NHS: variants seen among roughly 807,000 people sequenced by gnomAD.
NHS encodes NHS actin remodeling regulator.
NHS carries 5 observed loss-of-function variants against 72.5 expected under a neutral mutation model. The ratio of observed to expected loss-of-function variants is 0.07; its 90% confidence interval spans 0.04 to 0.14. The LOEUF (loss-of-function observed/expected upper bound fraction) is 0.14, where lower values mean the gene tolerates loss of function less well. NHS is among the 10% of genes least tolerant of loss of function. The pLI, the probability that NHS is intolerant of heterozygous loss-of-function variation, is 1.00. For synonymous variants in NHS, 464 were observed against 547.7 expected, an observed-to-expected ratio of 0.85 and a Z score of 2.13; for missense variants, 1,072 against 1,355.7, an observed-to-expected ratio of 0.79 and a Z score of 3.29.
intron 1 of NHS, among the ~76,000 whole-genome samples, chrX:17,382,646 G>A (rs1249057461): frequency 8.9e-6 from 1 of 112,292 alleles, no homozygotes; most frequent in Non-Finnish European, 1.9e-5. Context: ...TTGGCCTACT[G>A]CCACTTATTG....
chrX:17,530,787 C>CT (rs945602689), intron 1 of NHS, among the ~76,000 whole-genome samples: 13 of 109,971 alleles, frequency 1.2e-4, no homozygotes, highest in African/African-American at 3.3e-4. Flanking sequence ...ATCCTTTTTT[C>CT]TTTTTTTTTC....
chrX:17,516,773 GCACA>G, intron 1 of NHS, among the ~76,000 whole-genome samples: 3 of 100,568 alleles, frequency 3.0e-5, no homozygotes. Flanking sequence ...AATTCAAATG[GCACA>G]CACACACACA....
chrX:17,424,595 T>G (rs953292443), intron 1 of NHS, among the ~76,000 whole-genome samples: 3 of 112,311 alleles, frequency 2.7e-5, no homozygotes, highest in Non-Finnish European at 5.6e-5. Flanking sequence ...TTTCTAGGTA[T>G]GTTATTGTTT....
chrX:17,464,853 C>T (rs2064864097), intron 1 of NHS, among the ~76,000 whole-genome samples: 1 of 112,029 alleles, frequency 8.9e-6, no homozygotes, highest in African/African-American at 3.2e-5. Context: ...GCCTTTGGTC[C>T]ACCAGCAGCC....
At chrX:17,704,060 G>A (rs111267616) in intron 3 of NHS, among the ~76,000 whole-genome samples, 193 of 111,223 alleles carry the variant, frequency 1.7e-3, no homozygotes, top group African/African-American at 6.2e-3. Context: ...AGGCCAGAGA[G>A]AGAGAATGAC....
intron 1 of NHS, among the ~76,000 whole-genome samples, chrX:17,658,330 C>G (rs1445705581): frequency 8.9e-6 from 1 of 111,868 alleles, no homozygotes; most frequent in Non-Finnish European, 1.9e-5. Context: ...AATGTAAATG[C>G]CTATTTTTTT....
At chrX:17,506,172 T>C (rs1198396851) in intron 1 of NHS, among the ~76,000 whole-genome samples, 1 of 111,238 alleles carries the variant, frequency 9.0e-6, no homozygotes, top group East Asian at 2.8e-4. Flanking sequence ...AAGCACTCAG[T>C]CCTAGAATCG....
intron 1 of NHS, among the ~76,000 whole-genome samples, chrX:17,491,835 C>T (rs567530351): frequency 2.1e-5 from 2 of 95,303 alleles, no homozygotes; most frequent in Middle Eastern, 6.6e-3. Context: ...TTCAGGGATT[C>T]GACTTCTTCC....
At chrX:17,558,042 G>C (rs1224049767) in intron 1 of NHS, among the ~76,000 whole-genome samples, 1 of 112,130 alleles carries the variant, frequency 8.9e-6, no homozygotes, top group Non-Finnish European at 1.9e-5. Context: ...TCAGTCACTA[G>C]GTACAGCCGA....
intron 1 of NHS, among the ~76,000 whole-genome samples, chrX:17,462,959 G>A (rs2064854468): frequency 9.0e-6 from 1 of 111,636 alleles, no homozygotes; most frequent in Non-Finnish European, 1.9e-5. Flanking sequence ...AAGTTTTTTG[G>A]TTGATATTGA....
At chrX:17,442,839 C>T (rs757889573) in intron 1 of NHS, among the ~76,000 whole-genome samples, 10 of 112,355 alleles carry the variant, frequency 8.9e-5, no homozygotes, top group Admixed American at 4.7e-4. Flanking sequence ...TAGTTATTCC[C>T]GTGTTTTCTG....
chrX:17,541,895 C>CTA (rs2065265882), intron 1 of NHS, among the ~76,000 whole-genome samples: 1 of 110,662 alleles, frequency 9.0e-6, no homozygotes, highest in African/African-American at 3.3e-5. Flanking sequence ...AACTCACACT[C>CTA]TAGAGTTCCC....
At chrX:17,433,683 A>AAGTAG (rs2064706027) in intron 1 of NHS, among the ~76,000 whole-genome samples, 1 of 111,622 alleles carries the variant, frequency 9.0e-6, no homozygotes, top group Non-Finnish European at 1.9e-5. Flanking sequence ...CCAAACTGGA[A>AAGTAG]AGTAGAGAAG....
rs201351138 is a variant in NHS, at chrX:17,725,654, T to G, written c.1548T>G (p.Asp516Glu). Residue 516 changes from aspartate (D) to glutamate (E), a missense_variant, in exon 7 of 9, where the codon GAT becomes GAG. Asp to Glu is a conservative substitution (Grantham distance 45). Transcript: ENST00000676302. ...CCCGGGAAGGTAATAGAGGTGGGGA[T>G]GCTGAGCCCAAAGTTGGCGCTAAAC... ...SLPREGNRGG[D>E]AEPKVGAKPS... The G allele has an allele frequency of 5.0e-6, 6 of 1,211,520 alleles. No homozygotes were observed. Among genetic ancestry groups the G allele is most frequent in the Non-Finnish European group, 6.7e-6 (6 of 895,510 alleles).
intron 1 of NHS, among the ~76,000 whole-genome samples, chrX:17,623,213 A>G (rs1019468526): frequency 1.8e-4 from 20 of 112,426 alleles, no homozygotes; most frequent in African/African-American, 6.5e-4. Context: ...TGCTCGGATT[A>G]TAGGCACAAG....
intron 1 of NHS, among the ~76,000 whole-genome samples, chrX:17,576,698 C>G (rs1027423834): frequency 9.0e-6 from 1 of 111,675 alleles, no homozygotes; most frequent in African/African-American, 3.3e-5. Context: ...GTCGCAGGTG[C>G]CATTAAGAAA....
At chrX:17,464,882 A>G (rs757074707) in intron 1 of NHS, among the ~76,000 whole-genome samples, 27 of 112,315 alleles carry the variant, frequency 2.4e-4, no homozygotes, top group African/African-American at 8.4e-4. Context: ...GTAGCGGTGC[A>G]TCTGTAAAGG....
chrX:17,467,828 AT>A (rs2146900714), intron 1 of NHS, among the ~76,000 whole-genome samples: 1 of 111,674 alleles, frequency 9.0e-6, no homozygotes, highest in Admixed American at 9.5e-5. Flanking sequence ...GGGATAAAAC[AT>A]TTTTTAAAAG....
At chrX:17,403,098 G>C (rs1569246545) in intron 1 of NHS, among the ~76,000 whole-genome samples, 1 of 111,800 alleles carries the variant, frequency 8.9e-6, no homozygotes, top group Admixed American at 9.5e-5. Context: ...CTATCTTTTT[G>C]GTCCTTGGTC....
Sources: allele counts gnomAD v4.1 joint callset (sites outside exome capture counted in the v4.1 genomes callset), GRCh38; gene constraint gnomAD v4.1.1; transcripts MANE v1.5; gene names NCBI Gene and HGNC (gene_info 2026-07-23, HGNC 2026-07-21).